Variants in RNF125 observed in about 807,000 individuals in gnomAD.
RNF125 encodes E3 ubiquitin-protein ligase RNF125.
In RNF125, 21 loss-of-function variants were observed where a neutral mutation model predicts 26.0. That is an observed-to-expected ratio of 0.81 (90% CI 0.57 to 1.16). The LOEUF is 1.16. Ranked by LOEUF, RNF125 falls within the 50% of genes most tolerant of loss-of-function variation. The pLI, the probability that RNF125 is intolerant of heterozygous loss-of-function variation, is 0.00. For missense variants in RNF125, 270 were observed against 299.4 expected (o/e 0.90, Z 0.72); for synonymous variants, 95 against 109.2 (o/e 0.87, Z 0.81).
At chr18:32,080,598 T>G in the RNF125 span, among the ~76,000 whole-genome samples, 1 of 151,706 alleles carries the variant, frequency 6.6e-6, no homozygotes, top group African/African-American at 2.4e-5. Context: ...AAAGGGGAGT[T>G]GTTGTTCATG....
chr18:32,088,909 C>CT, the RNF125 span, among the ~76,000 whole-genome samples: 1 of 152,034 alleles, frequency 6.6e-6, no homozygotes, highest in African/African-American at 2.4e-5. Context: ...GGGCTTCATT[C>CT]TGGGGGGGAA....
chr18:32,048,437 C>CAA (rs545448907), intron 4 of RNF125, among the ~76,000 whole-genome samples: 1 of 69,690 alleles, frequency 1.4e-5, no homozygotes, highest in Non-Finnish European at 4.0e-5. Flanking sequence ...AAAAAACAAA[C>CAA]AAAAAAACCC....
chr18:32,037,089 G>T, intron 1 of RNF125, 27 bp from the exon 2 acceptor site: 2 of 1,565,470 alleles, frequency 1.3e-6, no homozygotes, highest in South Asian at 1.2e-5. Flanking sequence ...CAAGGAAAGT[G>T]ATGTATTTTT....
At chr18:32,039,836 G>C (rs2144470570) in intron 2 of RNF125, among the ~76,000 whole-genome samples, 1 of 146,494 alleles carries the variant, frequency 6.8e-6, no homozygotes, top group East Asian at 2.0e-4. Flanking sequence ...GGAGTGCAGT[G>C]GTGTATGATC....
intron 1 of RNF125, 45 bp downstream of exon 1, chr18:32,019,072 C>A: frequency 6.3e-7 from 1 of 1,594,840 alleles, no homozygotes; most frequent in Non-Finnish European, 8.5e-7. Context: ...CTAAGGAGGG[C>A]GATGTGGGGA....
chr18:32,042,426 T>C (rs35880474), intron 3 of RNF125, among the ~76,000 whole-genome samples, 153 bp downstream of exon 3: 5,686 of 152,334 alleles, frequency 0.037, 360 homozygotes, highest in African/African-American at 0.13. Context: ...CATTTGTTGA[T>C]AGCAATCATT....
At chr18:32,055,987 AAAAAAAAAAAAAAAAG>A (rs2144501597) in intron 4 of RNF125, among the ~76,000 whole-genome samples, 1 of 150,612 alleles carries the variant, frequency 6.6e-6, no homozygotes, top group African/African-American at 2.4e-5. Flanking sequence ...CTCAAAAAAA[AAAAAAAAAAAAAAAAG>A]AACATTTAAA....
intron 1 of RNF125, among the ~76,000 whole-genome samples, chr18:32,032,049 A>G (rs1383855472): frequency 1.3e-5 from 2 of 151,588 alleles, no homozygotes; most frequent in Non-Finnish European, 2.9e-5. Flanking sequence ...ACAGGCATGC[A>G]CCACCACACC....
Position 32,023,958 on chromosome 18 carries a change from A to C in RNF125, c.164+4931A>C, listed in dbSNP as rs191574313. Among the ~76,000 whole-genome samples, 56 of 152,270 alleles carry C rather than the reference A, an allele frequency of 3.7e-4. 1 individual carries two copies. The highest frequency in any genetic ancestry group is 6.6e-4 in the Non-Finnish European group (45 of 68,024). On this transcript the variant is annotated intron_variant, in intron 1 of 5. Transcript: ENST00000217740. The stretch of plus-strand genomic sequence containing the variant: ...CTTTTGAATCAGTATATCAATAATA[A>C]ATTTAAATAAAACCTAATAAACAAG...
At chr18:32,080,957 C>G in the RNF125 span, among the ~76,000 whole-genome samples, 1 of 152,096 alleles carries the variant, frequency 6.6e-6, no homozygotes, top group African/African-American at 2.4e-5. Flanking sequence ...GAGGCTGAGG[C>G]AGGCGGATCA....
downstream of RNF125, among the ~76,000 whole-genome samples, chr18:32,073,731 G>A (rs2039551604): frequency 6.6e-6 from 1 of 152,234 alleles, no homozygotes; most frequent in Admixed American, 6.5e-5. Context: ...AACACATACA[G>A]GACAGAACAC....
At chr18:32,032,226 A>G (rs2039104244) in intron 1 of RNF125, among the ~76,000 whole-genome samples, 1 of 151,886 alleles carries the variant, frequency 6.6e-6, no homozygotes, top group Non-Finnish European at 1.5e-5. Context: ...ACAGGCACCC[A>G]CCACCATGCC....
intron 3 of RNF125, among the ~76,000 whole-genome samples, chr18:32,043,375 C>T (rs968879613): frequency 2.0e-5 from 3 of 152,194 alleles, no homozygotes; most frequent in African/African-American, 7.2e-5. Context: ...AATGTTAGCT[C>T]TGCTCATTTT....
chr18:32,066,629 C>G (rs193227345), intron 5 of RNF125, among the ~76,000 whole-genome samples: 4 of 152,186 alleles, frequency 2.6e-5, no homozygotes, highest in African/African-American at 9.7e-5. Flanking sequence ...CATATATGTG[C>G]GACCTTGCAG....
chr18:32,020,105 C>CA (rs1350175869), intron 1 of RNF125, among the ~76,000 whole-genome samples: 1 of 151,562 alleles, frequency 6.6e-6, no homozygotes, highest in Admixed American at 6.6e-5. Context: ...TATCTCGGCT[C>CA]ACTGCAACCT....
At position 32,025,664 on chromosome 18, in the gene RNF125, CAAAAAAAAA is replaced by C. The variant is rs34054474; in HGVS notation, c.164+6653_164+6661del. Among the ~76,000 whole-genome samples, 245 of 65,204 alleles carry C rather than the reference CAAAAAAAAA, an allele frequency of 3.8e-3. 5 individuals are homozygous for C. The Admixed American group carries it at 0.042, about 11-fold the overall frequency. The allele number at this position is 65,204 out of a possible 152,430, so 42.8% of individuals were successfully genotyped here. On this transcript the variant is annotated intron_variant, in intron 1 of 5. Transcript: ENST00000217740. ...GGGTGACAAGAGTGAAACTCTGTCT[CAAAAAAAAA>C]AAAAAAAAAAAAAAAGAAGACAGAG...
At position 32,045,740 on chromosome 18, in the gene RNF125, T is replaced by G. The variant is rs764499312; in HGVS notation, c.504+8T>G. On this transcript the variant is annotated splice_region_variant and intron_variant, in intron 4 of 5. Coordinates refer to ENST00000217740, the MANE Select transcript of RNF125 (RefSeq NM_017831.4). Reference sequence around the variant, plus strand: ...TCGGAACGGAGGCCTGTGGTAAGGATTTTTGTTACATGTATTACAGCAATG... The same window carrying G: ...TCGGAACGGAGGCCTGTGGTAAGGAGTTTTGTTACATGTATTACAGCAATG... 2.5e-6 allele frequency: 4 copies of G among 1,589,214 alleles called. No homozygotes were observed. In the East Asian group the frequency reaches 6.7e-5, roughly 27 times the overall value.
intron 4 of RNF125, among the ~76,000 whole-genome samples, chr18:32,061,771 A>G (rs2039437122): frequency 6.6e-6 from 1 of 152,242 alleles, no homozygotes; most frequent in Non-Finnish European, 1.5e-5. Context: ...CATCTTGAGT[A>G]TGGCACTTGA....
chr18:32,058,820 C>T (rs1376678151), intron 4 of RNF125, among the ~76,000 whole-genome samples: 1 of 152,168 alleles, frequency 6.6e-6, no homozygotes, highest in Non-Finnish European at 1.5e-5. Flanking sequence ...TACCCTCTAT[C>T]TCCATGAGTT....
Sources: gnomAD v4.1 joint callset for allele counts (sites outside exome capture counted in the v4.1 genomes callset) on GRCh38, gnomAD v4.1.1 for gene constraint, MANE v1.5 for transcripts, NCBI Gene and HGNC (gene_info 2026-07-23, HGNC 2026-07-21) for gene names.